CACNA2D3: variants seen among roughly 807,000 people sequenced by gnomAD.
CACNA2D3 encodes voltage-dependent calcium channel subunit alpha-2/delta-3.
In CACNA2D3, 60 loss-of-function variants were observed where a neutral mutation model predicts 160.6. That is an observed-to-expected ratio of 0.37 (90% CI 0.30 to 0.46). The LOEUF is 0.46. Among genes scored for constraint, CACNA2D3 ranks in the 20% least tolerant of loss-of-function variants. CACNA2D3 has a pLI of 1.00. For synonymous variants in CACNA2D3, 558 were observed against 492.9 expected (o/e 1.13, Z -1.75); for missense variants, 1,205 against 1,365.0 (o/e 0.88, Z 1.85).
At chr3:54,823,857 T>C (rs1180506564) in intron 14 of CACNA2D3, among the ~76,000 whole-genome samples, 1 of 152,240 alleles carries the variant, frequency 6.6e-6, no homozygotes, top group Non-Finnish European at 1.5e-5. Context: ...TTTGTTTTCT[T>C]AATACATTTT....
At chr3:54,352,570 T>C (rs1365660069) in intron 3 of CACNA2D3, among the ~76,000 whole-genome samples, 1 of 152,192 alleles carries the variant, frequency 6.6e-6, no homozygotes, top group African/African-American at 2.4e-5. Flanking sequence ...TCCTGAGGTT[T>C]GGAAAGGCCC....
intron 2 of CACNA2D3, among the ~76,000 whole-genome samples, chr3:54,148,010 C>T (rs568253956): frequency 2.0e-5 from 3 of 152,282 alleles, no homozygotes; most frequent in Non-Finnish European, 4.4e-5. Flanking sequence ...TTTCACCATG[C>T]TGGCCAGGCT....
chr3:54,386,210 A>G (rs1386776447), intron 3 of CACNA2D3, among the ~76,000 whole-genome samples: 1 of 152,224 alleles, frequency 6.6e-6, no homozygotes, highest in African/African-American at 2.4e-5. Context: ...AAATGCAAAT[A>G]ACTGTCACCT....
chr3:54,633,006 A>G (rs1559533133), intron 10 of CACNA2D3, among the ~76,000 whole-genome samples: 1 of 152,212 alleles, frequency 6.6e-6, no homozygotes, highest in Non-Finnish European at 1.5e-5. Flanking sequence ...TCAGTTGCAC[A>G]TGTGCAGTCG....
At chr3:54,681,289 C>G (rs952695490) in intron 11 of CACNA2D3, among the ~76,000 whole-genome samples, 1 of 147,498 alleles carries the variant, frequency 6.8e-6, no homozygotes, top group Non-Finnish European at 1.5e-5. Context: ...GTAATCCCAG[C>G]ACTTTGGGAG....
chr3:54,274,311 T>C (rs11708572), intron 2 of CACNA2D3, among the ~76,000 whole-genome samples: 23,005 of 151,962 alleles, frequency 0.15, 2,137 homozygotes, highest in Admixed American at 0.2. Flanking sequence ...TTCATTCTTA[T>C]AGATTATTTT....
chr3:55,004,259 G>T (rs1436853657), intron 31 of CACNA2D3, among the ~76,000 whole-genome samples: 1 of 152,122 alleles, frequency 6.6e-6, no homozygotes, highest in Non-Finnish European at 1.5e-5. Flanking sequence ...TAAGCCAGCT[G>T]GTTTCCTACA....
At chr3:54,518,136 T>C (rs574997816) in intron 5 of CACNA2D3, among the ~76,000 whole-genome samples, 1 of 152,220 alleles carries the variant, frequency 6.6e-6, no homozygotes, top group East Asian at 1.9e-4. Context: ...GGGGTGGAAT[T>C]TTCCCCTGCT....
At chr3:55,046,153 A>G (rs556288572) in intron 35 of CACNA2D3, among the ~76,000 whole-genome samples, 208 of 149,970 alleles carry the variant, frequency 1.4e-3, no homozygotes, top group African/African-American at 5.0e-3. Flanking sequence ...CACATTGTGC[A>G]GGTTAGTTAC....
At chr3:54,463,113 T>C (rs564249337) in intron 4 of CACNA2D3, among the ~76,000 whole-genome samples, 28 of 152,276 alleles carry the variant, frequency 1.8e-4, no homozygotes, top group African/African-American at 6.3e-4. Flanking sequence ...CCCCACTCTC[T>C]TCTGGCTTGT....
chr3:54,860,104 C>A (rs1237012036), intron 17 of CACNA2D3, among the ~76,000 whole-genome samples: 1 of 151,884 alleles, frequency 6.6e-6, no homozygotes, highest in Non-Finnish European at 1.5e-5. Context: ...TGAGACCTGG[C>A]TTGGCAGAAA....
At chr3:54,183,914 AAAAAAAG>A in intron 2 of CACNA2D3, among the ~76,000 whole-genome samples, 3 of 150,946 alleles carry the variant, frequency 2.0e-5, no homozygotes, top group Non-Finnish European at 4.4e-5. Context: ...AAAAAAAAAA[AAAAAAAG>A]AAGAGCCTTA....
rs1336865591 is a variant in CACNA2D3 at position 54,842,953 on chromosome 3, G to C, written c.1552-3440G>C. Among the ~76,000 whole-genome samples, 5 of 150,992 alleles carry C rather than the reference G, an allele frequency of 3.3e-5. No individual in the cohort carries two copies. In the East Asian group the frequency reaches 9.8e-4, roughly 30 times the overall value. Reference sequence around the variant, plus strand: ...GAGGAAGGAAAGAGAACTACCTAGGGTTGAGAGGCGGAAAAGTGAGTGTAG... The same window carrying C: ...GAGGAAGGAAAGAGAACTACCTAGGCTTGAGAGGCGGAAAAGTGAGTGTAG... On this transcript the variant is annotated intron_variant, in intron 16 of 37. Coordinates refer to ENST00000474759, the MANE Select transcript of CACNA2D3 (RefSeq NM_018398.3).
intron 8 of CACNA2D3, among the ~76,000 whole-genome samples, chr3:54,576,643 AGT>A (rs1702586946): frequency 6.6e-6 from 1 of 152,208 alleles, no homozygotes; most frequent in African/African-American, 2.4e-5. Flanking sequence ...TGTGCGATGT[AGT>A]CTAATACCTG....
chr3:54,647,562 C>A (rs1204820473), intron 11 of CACNA2D3, among the ~76,000 whole-genome samples: 2 of 152,106 alleles, frequency 1.3e-5, no homozygotes, highest in Admixed American at 6.5e-5. Flanking sequence ...TGTCCACTGT[C>A]CTCAGTACAG....
intron 27 of CACNA2D3, among the ~76,000 whole-genome samples, chr3:54,958,525 T>C (rs1295564061): frequency 2.0e-5 from 3 of 152,076 alleles, no homozygotes. Context: ...CATTTTGGAG[T>C]CTGGGCAGGT....
chr3:54,343,484 A>G (rs1698398794), intron 3 of CACNA2D3, among the ~76,000 whole-genome samples: 1 of 151,908 alleles, frequency 6.6e-6, no homozygotes, highest in African/African-American at 2.4e-5. Context: ...GGATTTCACC[A>G]TGTGGCCCAG....
chr3:54,941,666 A>G (rs1204162299), intron 27 of CACNA2D3, among the ~76,000 whole-genome samples: 2 of 152,212 alleles, frequency 1.3e-5, no homozygotes. Flanking sequence ...GTGGGATGTT[A>G]CAAGTTTAAG....
chr3:54,918,348 TTTTTTTTG>T, intron 27 of CACNA2D3: 9 of 402,858 alleles, frequency 2.2e-5, no homozygotes, highest in Admixed American at 8.1e-5. Context: ...TTTTTTTTTT[TTTTTTTTG>T]TCTTTTGGCA....
Sources: allele counts gnomAD v4.1 joint callset (sites outside exome capture counted in the v4.1 genomes callset), GRCh38; gene constraint gnomAD v4.1.1; transcripts MANE v1.5; gene names NCBI Gene and HGNC (gene_info 2026-07-23, HGNC 2026-07-21).